Variants in CBLC observed in about 807,000 individuals in gnomAD.
CBLC encodes Cbl proto-oncogene C.
A neutral mutation model predicts 58.6 loss-of-function variants in CBLC; 46 were observed. The observed-to-expected ratio is 0.79, with a 90% CI of 0.62 to 1.00. The LOEUF (loss-of-function observed/expected upper bound fraction) is 1.00. CBLC is among the 50% of genes least tolerant of loss of function. The pLI is 0.00. For synonymous variants in CBLC, 271 were observed against 264.2 expected (o/e 1.03, Z -0.25); for missense variants, 655 against 625.8 (o/e 1.05, Z -0.50).
At chr19:44,789,628 T>A (rs1224288742) in intron 5 of CBLC, among the ~76,000 whole-genome samples, 2 of 152,150 alleles carry the variant, frequency 1.3e-5, no homozygotes, top group Admixed American at 1.3e-4. Flanking sequence ...TGACCTCAGA[T>A]GATCCACCCA....
chr19:44,789,180 G>T (rs1479030422), intron 5 of CBLC, among the ~76,000 whole-genome samples: 1 of 152,150 alleles, frequency 6.6e-6, no homozygotes, highest in Non-Finnish European at 1.5e-5. Context: ...CTGGTTCTCG[G>T]TCTCTCTGGT....
At chr19:44,791,306 G>C (rs60786730) in intron 6 of CBLC, among the ~76,000 whole-genome samples, 2,152 of 127,524 alleles carry the variant, frequency 0.017, 51 homozygotes, top group East Asian at 0.082. Context: ...GCTCTGTCCC[G>C]CAAAAAAAAA....
intron 9 of CBLC, among the ~76,000 whole-genome samples, chr19:44,799,113 A>G (rs1968236064): frequency 6.6e-6 from 1 of 152,138 alleles, no homozygotes; most frequent in South Asian, 2.1e-4. Flanking sequence ...GGTTCAGTGG[A>G]GCATCAGCTC....
At chr19:44,787,798 C>T (rs960072784) in intron 5 of CBLC, among the ~76,000 whole-genome samples, 17 of 137,078 alleles carry the variant, frequency 1.2e-4, no homozygotes, top group Admixed American at 6.1e-4. Flanking sequence ...GCCTAGGGCA[C>T]AAGAGTGAGA....
At chr19:44,791,371 A>G (rs921969298) in intron 6 of CBLC, among the ~76,000 whole-genome samples, 2 of 152,058 alleles carry the variant, frequency 1.3e-5, no homozygotes, top group Non-Finnish European at 2.9e-5. Flanking sequence ...TCAGCATCCA[A>G]TACTTTTATT....
chr19:44,792,593 T>C, intron 7 of CBLC, 79 bp downstream of exon 7: 4 of 1,373,590 alleles, frequency 2.9e-6, no homozygotes, highest in Non-Finnish European at 3.9e-6. Context: ...TCTCCATGCC[T>C]CATTGATCAT....
At chr19:44,779,266 G>A (rs1034853448) in intron 1 of CBLC, among the ~76,000 whole-genome samples, 3 of 152,162 alleles carry the variant, frequency 2.0e-5, no homozygotes, top group African/African-American at 4.8e-5. Flanking sequence ...AGAATGTGGA[G>A]ACCCCATGGG....
chr19:44,794,590 G>T (rs1294456186), intron 9 of CBLC, among the ~76,000 whole-genome samples: 1 of 149,328 alleles, frequency 6.7e-6, no homozygotes, highest in South Asian at 2.1e-4. Context: ...TCAGCCTCCT[G>T]AGTAGCTGGG....
intron 1 of CBLC, among the ~76,000 whole-genome samples, chr19:44,778,755 C>G (rs1332073289): frequency 8.6e-6 from 1 of 115,696 alleles, no homozygotes; most frequent in Non-Finnish European, 1.8e-5. Context: ...CCTCCTCCCT[C>G]AGACTCAGGG....
At chr19:44,793,436 AG>A (rs745326746) in intron 7 of CBLC, 37 bp from the exon 8 acceptor site, 2 of 1,554,010 alleles carry the variant, frequency 1.3e-6, no homozygotes, top group Non-Finnish European at 1.7e-6. Flanking sequence ...GATGGAGAGC[AG>A]GGGAGCACTG....
In CBLC at chr19:44,781,316, G is replaced by A. The variant is rs780423177; in HGVS notation, c.610G>A (p.Gly204Arg). 28 of 1,612,908 alleles carry A rather than the reference G, an allele frequency of 1.7e-5. No individual in the cohort carries two copies. Among genetic ancestry groups the A allele is most frequent in the African/African-American group, 1.1e-4 (8 of 74,934 alleles). Reference sequence around the variant, plus strand: ...CACCACCATTGACCTCACCTGCAGCGGGCACGTGTCCATCTTCGAGTTCGA... The same window carrying A: ...CACCACCATTGACCTCACCTGCAGCAGGCACGTGTCCATCTTCGAGTTCGA... ...LRTTIDLTCS[G>R]HVSIFEFDVF... The change falls in exon 3 of 11, where the codon GGG becomes AGG. Residue 204 changes from glycine to arginine, a missense_variant. By Grantham distance (125) the Gly-to-Arg change is moderately radical. This residue lies in a region of CBLC where 371 missense variants were observed against 370.8 expected (regional missense o/e 1.00). Coordinates refer to ENST00000647358, the MANE Select transcript of CBLC (RefSeq NM_012116.4).
intron 5 of CBLC, among the ~76,000 whole-genome samples, chr19:44,788,508 C>A (rs1305251249): frequency 7.5e-6 from 1 of 133,244 alleles, no homozygotes; most frequent in South Asian, 2.4e-4. Context: ...GAGACAGAGT[C>A]TTGCTGTGTT....
intron 7 of CBLC, among the ~76,000 whole-genome samples, chr19:44,792,770 G>T (rs1968087763): frequency 6.6e-6 from 1 of 152,138 alleles, no homozygotes; most frequent in Admixed American, 6.6e-5. Flanking sequence ...TCTCTGCCTA[G>T]GTGATCCCCA....
intron 9 of CBLC, among the ~76,000 whole-genome samples, chr19:44,799,831 G>GAAAGAAAGAAAAGA (rs1162156077): frequency 6.7e-6 from 1 of 148,636 alleles, no homozygotes; most frequent in Non-Finnish European, 1.5e-5. Context: ...AGAGAAAGAA[G>GAAAGAAAGAAAAGA]AAAGAAAGAA....
intron 6 of CBLC, among the ~76,000 whole-genome samples, chr19:44,790,718 G>C (rs961055961): frequency 6.6e-6 from 1 of 152,164 alleles, no homozygotes; most frequent in Non-Finnish European, 1.5e-5. Flanking sequence ...TTATAGCCAT[G>C]AGCCACTGTA....
In CBLC at chr19:44,784,289, C is replaced by T. The variant is rs750497513; in HGVS notation, c.805C>T (p.Arg269Cys). 1.3e-5 allele frequency: 20 copies of T among 1,589,648 alleles called. No individual in the cohort carries two copies. The South Asian group carries it at 2.2e-4, about 18-fold the overall frequency. The change falls in exon 5 of 11, where the codon CGC (arginine) becomes TGC (cysteine). Residue 269 changes from arginine to cysteine, a missense_variant. Arg to Cys is a radical substitution (Grantham distance 180). Coordinates refer to ENST00000647358, the MANE Select transcript of CBLC (RefSeq NM_012116.4). ...TTACATCTTCCGGCCCAGCTGTACTCGCCTGGGGCAGTGGGCCATCGGCTA... is the reference window on the plus strand; with the variant it reads ...TTACATCTTCCGGCCCAGCTGTACTTGCCTGGGGCAGTGGGCCATCGGCTA... Reference protein sequence around the residue: ...GSYIFRPSCTRLGQWAIGYVS... With the variant: ...GSYIFRPSCTCLGQWAIGYVS...
chr19:44,787,649 T>C (rs1319167382), intron 5 of CBLC, among the ~76,000 whole-genome samples: 1 of 150,924 alleles, frequency 6.6e-6, no homozygotes, highest in Non-Finnish European at 1.5e-5. Context: ...AAACCCCGTC[T>C]CTACTAAAAA....
chr19:44,787,342 C>T (rs1481596465), intron 5 of CBLC, among the ~76,000 whole-genome samples: 1 of 151,908 alleles, frequency 6.6e-6, no homozygotes, highest in Non-Finnish European at 1.5e-5. Flanking sequence ...TGCAGTGAGC[C>T]GAGATCGCGC....
At chr19:44,794,132 G>T in intron 8 of CBLC, 72 bp from the exon 9 acceptor site, 3 of 1,553,106 alleles carry the variant, frequency 1.9e-6, no homozygotes, top group Non-Finnish European at 2.6e-6. Context: ...CTGAGTCCCA[G>T]GCAGGAGAAC....
Sources: allele counts gnomAD v4.1 joint callset (sites outside exome capture counted in the v4.1 genomes callset), GRCh38; gene constraint gnomAD v4.1.1; regional missense constraint gnomAD v4.1.1; transcripts MANE v1.5; gene names NCBI Gene and HGNC (gene_info 2026-07-23, HGNC 2026-07-21).